Variants in IFTAP observed in about 807,000 individuals in gnomAD.
IFTAP encodes the protein intraflagellar transport-associated protein.
IFTAP carries 19 observed loss-of-function variants against 19.4 expected under a neutral mutation model. That is an observed-to-expected ratio of 0.98 (90% CI 0.68 to 1.44). The LOEUF (loss-of-function observed/expected upper bound fraction) is 1.44. IFTAP is among the 40% of genes most tolerant of loss of function. IFTAP has a pLI of 0.00. For missense variants in IFTAP, 240 were observed against 253.6 expected, an observed-to-expected ratio of 0.95 and a Z score of 0.36; for synonymous variants, 85 against 83.5, an observed-to-expected ratio of 1.02 and a Z score of -0.10.
intron 1 of IFTAP, among the ~76,000 whole-genome samples, chr11:36,608,139 A>G (rs941614190): frequency 6.6e-6 from 1 of 152,224 alleles, no homozygotes; most frequent in Non-Finnish European, 1.5e-5. Context: ...AATAACATAT[A>G]ATATGGTTCC....
chr11:36,622,647 TTGTGG>T (rs1259961096), intron 2 of IFTAP, among the ~76,000 whole-genome samples: 1 of 152,012 alleles, frequency 6.6e-6, no homozygotes, highest in African/African-American at 2.4e-5. Flanking sequence ...TCTCAAATGG[TTGTGG>T]TGAGAATCAG....
At chr11:36,622,615 C>T (rs1852343366) in intron 2 of IFTAP, among the ~76,000 whole-genome samples, 1 of 151,972 alleles carries the variant, frequency 6.6e-6, no homozygotes, top group African/African-American at 2.4e-5. Flanking sequence ...TAAATCAGGG[C>T]TAATTCTGCC....
chr11:36,628,345 T>C (rs1852596874), intron 2 of IFTAP, among the ~76,000 whole-genome samples: 1 of 151,396 alleles, frequency 6.6e-6, no homozygotes, highest in Admixed American at 6.6e-5. Flanking sequence ...CTCTTCACAG[T>C]GCTCACCTGT....
intron 2 of IFTAP, among the ~76,000 whole-genome samples, chr11:36,615,883 T>C (rs11827987): frequency 0.35 from 52,736 of 151,666 alleles, 11,571 homozygotes; most frequent in East Asian, 0.63. Flanking sequence ...TTGACTTCCT[T>C]TTTTCCTAAT....
intron 1 of IFTAP, among the ~76,000 whole-genome samples, chr11:36,599,598 G>A (rs1246619703): frequency 6.6e-6 from 1 of 152,090 alleles, no homozygotes; most frequent in Non-Finnish European, 1.5e-5. Flanking sequence ...ATTTGCATAA[G>A]TGACTAATTT....
At chr11:36,647,238 C>G (rs1323635599) in intron 4 of IFTAP, among the ~76,000 whole-genome samples, 1 of 152,048 alleles carries the variant, frequency 6.6e-6, no homozygotes, top group Non-Finnish European at 1.5e-5. Context: ...CTCCAGCAAG[C>G]CCTTCTGGTC....
At chr11:36,657,981 A>G (rs1370542483) in intron 5 of IFTAP, among the ~76,000 whole-genome samples, 4 of 152,232 alleles carry the variant, frequency 2.6e-5, no homozygotes, top group Non-Finnish European at 5.9e-5. Flanking sequence ...ACTTCAAAAC[A>G]TAACTTGTGG....
chr11:36,658,471 T>C (rs1284352615), intron 5 of IFTAP, among the ~76,000 whole-genome samples: 1 of 152,216 alleles, frequency 6.6e-6, no homozygotes, highest in Non-Finnish European at 1.5e-5. Flanking sequence ...AAAGAGATCC[T>C]GGACTTTTAA....
chr11:36,595,156 C>T (rs1227573428), intron 1 of IFTAP: 1 of 152,136 alleles, frequency 6.6e-6, no homozygotes, highest in Non-Finnish European at 1.5e-5. Context: ...TTTAGGGAAG[C>T]AGAGAAGGTT....
chr11:36,636,119 T>C lies in IFTAP; in HGVS notation c.358+2T>C. On this transcript the variant is annotated splice_donor_variant, in intron 4 of 5. Coordinates refer to ENST00000334307, the MANE Select transcript of IFTAP (RefSeq NM_138787.4). LOFTEE classifies it high-confidence loss of function. The stretch of plus-strand genomic sequence containing the variant: ...AGATTAAACCCCAAATGAGTGAGGG[T>C]ATGCTTTCTATTTCCTTTCTATACT... 6.2e-7 allele frequency: 1 copy of C among 1,602,804 alleles called. No individual in the cohort carries two copies. Among genetic ancestry groups the C allele is most frequent in the Non-Finnish European group, 8.5e-7 (1 of 1,170,144 alleles).
At chr11:36,606,195 A>C (rs1470624734) in intron 1 of IFTAP, among the ~76,000 whole-genome samples, 1 of 152,250 alleles carries the variant, frequency 6.6e-6, no homozygotes, top group Non-Finnish European at 1.5e-5. Flanking sequence ...GCAGTGGCGC[A>C]CGCCTGTAAT....
intron 2 of IFTAP, among the ~76,000 whole-genome samples, chr11:36,612,266 C>A (rs939940173): frequency 6.6e-6 from 1 of 150,916 alleles, no homozygotes; most frequent in Admixed American, 6.6e-5. Context: ...ACTGCATCTC[C>A]AAGCACACTA....
intron 1 of IFTAP, among the ~76,000 whole-genome samples, chr11:36,602,719 A>G (rs562832413): frequency 1.2e-4 from 18 of 152,148 alleles, no homozygotes; most frequent in African/African-American, 4.3e-4. Flanking sequence ...AAATATGGGT[A>G]TGGCAAATTT....
intron 2 of IFTAP, among the ~76,000 whole-genome samples, chr11:36,610,791 G>A (rs926240237): frequency 2.0e-5 from 3 of 151,814 alleles, no homozygotes; most frequent in African/African-American, 7.3e-5. Flanking sequence ...CTTACTGAAT[G>A]TTAGGTATTT....
chr11:36,610,383 G>C, intron 2 of IFTAP, 144 bp downstream of exon 2: 5 of 716,904 alleles, frequency 7.0e-6, no homozygotes, highest in Non-Finnish European at 8.9e-6. Context: ...GGGCACTCGT[G>C]ACTGATGCCC....
At position 36,610,802 on chromosome 11, in the gene IFTAP, G is replaced by A. The variant is rs1179708713; in HGVS notation, c.136+563G>A. 2.7e-5 allele frequency among the ~76,000 whole-genome samples: 4 copies of A among 150,482 alleles called. No homozygotes were observed. In the East Asian group the frequency reaches 7.7e-4, roughly 29 times the overall value. ...AGTACTTACTGAATGTTAGGTATTT[G>A]TATTGCTGTTGTGATGCTGCTGCTG... On this transcript the variant is annotated intron_variant, in intron 2 of 5. Transcript: ENST00000334307.
At chr11:36,628,350 A>T (rs1472638480) in intron 2 of IFTAP, among the ~76,000 whole-genome samples, 1 of 151,240 alleles carries the variant, frequency 6.6e-6, no homozygotes, top group Non-Finnish European at 1.5e-5. Flanking sequence ...CACAGTGCTC[A>T]CCTGTTGAAA....
intron 2 of IFTAP, among the ~76,000 whole-genome samples, chr11:36,617,340 A>C (rs769242460): frequency 6.6e-6 from 1 of 150,522 alleles, no homozygotes; most frequent in Non-Finnish European, 1.5e-5. Flanking sequence ...ACTTGGCTGA[A>C]TATCAGGAGA....
At chr11:36,641,390 C>T (rs1003175813) in intron 4 of IFTAP, among the ~76,000 whole-genome samples, 19 of 152,028 alleles carry the variant, frequency 1.2e-4, no homozygotes, top group African/African-American at 3.9e-4. Context: ...CCCATGTAAA[C>T]AAAAGATCTT....
Sources: allele counts gnomAD v4.1 joint callset (sites outside exome capture counted in the v4.1 genomes callset), GRCh38; gene constraint gnomAD v4.1.1; transcripts MANE v1.5; gene names NCBI Gene and HGNC (gene_info 2026-07-23, HGNC 2026-07-21).